Variants in GLIS3 observed in about 807,000 individuals in gnomAD.
GLIS3 encodes GLIS family zinc finger 3.
GLIS3 carries 53 observed loss-of-function variants against 78.6 expected under a neutral mutation model. The ratio of observed to expected loss-of-function variants is 0.67; its 90% CI spans 0.54 to 0.85. The LOEUF is 0.85. Among genes scored for constraint, GLIS3 ranks in the 40% least tolerant of loss-of-function variants. The pLI is 0.00. For synonymous variants in GLIS3, 684 were observed against 509.9 expected (o/e 1.34, Z -4.60); for missense variants, 1,703 against 1,231.1 (o/e 1.38, Z -5.74).
At chr9:4,430,880 C>A in the GLIS3 span, among the ~76,000 whole-genome samples, 3 of 152,164 alleles carry the variant, frequency 2.0e-5, no homozygotes, top group Non-Finnish European at 4.4e-5. Context: ...ATTTCCCCAG[C>A]ATTTCTCATT....
intron 6 of GLIS3, among the ~76,000 whole-genome samples, chr9:3,920,386 G>C (rs978426628): frequency 6.6e-6 from 1 of 152,156 alleles, no homozygotes; most frequent in Admixed American, 6.5e-5. Context: ...GAGTTTGTGA[G>C]TGTTTTTGCT....
At chr9:4,236,388 T>C (rs190708066) in intron 2 of GLIS3, among the ~76,000 whole-genome samples, 66 of 152,290 alleles carry the variant, frequency 4.3e-4, no homozygotes, top group Middle Eastern at 3.4e-3. Context: ...AACAAACAGA[T>C]TGCAATACTT....
chr9:3,919,909 T>C (rs931053918), intron 6 of GLIS3, among the ~76,000 whole-genome samples: 1 of 151,878 alleles, frequency 6.6e-6, no homozygotes, highest in Non-Finnish European at 1.5e-5. Context: ...TATTTGGTGA[T>C]TATTATTGTT....
chr9:4,383,793 C>T, the GLIS3 span, among the ~76,000 whole-genome samples: 5 of 152,140 alleles, frequency 3.3e-5, no homozygotes, highest in Admixed American at 2.6e-4. Flanking sequence ...TGTTGATTGA[C>T]CACAAACTTC....
At chr9:3,832,088 G>C (rs2041755823) in intron 9 of GLIS3, among the ~76,000 whole-genome samples, 1 of 150,760 alleles carries the variant, frequency 6.6e-6, no homozygotes, top group Non-Finnish European at 1.5e-5. Context: ...TAGCTTCTTG[G>C]TGCCTCAGTT....
At chr9:4,409,468 T>C in the GLIS3 span, among the ~76,000 whole-genome samples, 3 of 152,220 alleles carry the variant, frequency 2.0e-5, no homozygotes, top group Non-Finnish European at 2.9e-5. Context: ...ACTAGTATAC[T>C]TATGGCTCAA....
At chr9:3,874,281 C>T (rs773316096) in intron 8 of GLIS3, among the ~76,000 whole-genome samples, 24 of 152,154 alleles carry the variant, frequency 1.6e-4, no homozygotes, top group Non-Finnish European at 3.4e-4. Context: ...CATAAAAATC[C>T]AAAAGGACTG....
chr9:4,341,878 T>C (rs1485812635), intron 2 of GLIS3, among the ~76,000 whole-genome samples: 1 of 152,270 alleles, frequency 6.6e-6, no homozygotes, highest in African/African-American at 2.4e-5. Context: ...TACATGCTTG[T>C]TGACCACGTA....
intron 4 of GLIS3, among the ~76,000 whole-genome samples, chr9:4,002,705 C>A (rs999660401): frequency 3.0e-4 from 46 of 152,202 alleles, no homozygotes; most frequent in African/African-American, 1.1e-3. Context: ...CTCCTAGCAA[C>A]TGGGGATGGC....
chr9:4,264,316 T>G (rs1258501078), intron 2 of GLIS3, among the ~76,000 whole-genome samples: 3 of 152,216 alleles, frequency 2.0e-5, no homozygotes, highest in Admixed American at 1.3e-4. Context: ...ACCACCACCA[T>G]GATGCTAGTC....
At chr9:4,378,464 C>T in the GLIS3 span, among the ~76,000 whole-genome samples, 1 of 151,996 alleles carries the variant, frequency 6.6e-6, no homozygotes, top group Non-Finnish European at 1.5e-5. Flanking sequence ...CTTTTCCTGA[C>T]TCTGGGAAGA....
At chr9:4,116,752 C>G (rs1831669959) in intron 4 of GLIS3, among the ~76,000 whole-genome samples, 1 of 152,174 alleles carries the variant, frequency 6.6e-6, no homozygotes, top group Non-Finnish European at 1.5e-5. Context: ...ATATATTTCA[C>G]ATATTTAGTA....
intron 2 of GLIS3, among the ~76,000 whole-genome samples, chr9:4,335,186 G>A (rs1587391872): frequency 6.6e-6 from 1 of 152,076 alleles, no homozygotes; most frequent in African/African-American, 2.4e-5. Flanking sequence ...GGGATTACAG[G>A]CATGAGCCAC....
the GLIS3 span, among the ~76,000 whole-genome samples, chr9:4,372,523 G>C: frequency 1.4e-5 from 2 of 146,748 alleles, no homozygotes; most frequent in Non-Finnish European, 3.0e-5. Flanking sequence ...CACTTCAGGA[G>C]GCAATACTCC....
rs930269763 is a variant in GLIS3 at position 4,118,410 on chromosome 9, G to A, written c.1068C>T (p.Gly356=). 5.0e-6 allele frequency: 8 copies of A among 1,607,538 alleles called. No individual in the cohort carries two copies. In the African/African-American group the frequency reaches 1.1e-4, roughly 21 times the overall value. Residue 356 remains glycine, a synonymous_variant, in exon 4 of 11, where the codon GGC becomes GGT. Coordinates refer to ENST00000381971, the MANE Select transcript of GLIS3 (RefSeq NM_001042413.2). The surrounding 1 kb of genome is among the most constrained non-coding windows in gnomAD (Gnocchi z 4.7). ...EVYGHFLGVR[G]SCIPQPRPVP... The stretch of plus-strand genomic sequence containing the variant: ...CCGGGCGCGGCTGGGGAATGCAGCT[G>A]CCGCGCACGCCCAGGAAATGCCCGT...
the GLIS3 span, among the ~76,000 whole-genome samples, chr9:4,403,081 C>T: frequency 1.3e-5 from 2 of 152,222 alleles, no homozygotes; most frequent in East Asian, 3.9e-4. Flanking sequence ...AGAGAAAAGA[C>T]ACAAATAACA....
At chr9:3,866,725 G>A (rs985210700) in intron 8 of GLIS3, among the ~76,000 whole-genome samples, 7 of 152,286 alleles carry the variant, frequency 4.6e-5, no homozygotes, top group South Asian at 2.1e-4. Context: ...AGCAGAGGCC[G>A]TACCATACAG....
At chr9:4,014,753 C>G (rs967808633) in intron 4 of GLIS3, among the ~76,000 whole-genome samples, 2 of 152,190 alleles carry the variant, frequency 1.3e-5, no homozygotes, top group African/African-American at 2.4e-5. Flanking sequence ...GAAACTAGTA[C>G]AGAAATCACC....
chr9:4,224,846 T>C (rs1013023756), intron 2 of GLIS3, among the ~76,000 whole-genome samples: 3 of 152,064 alleles, frequency 2.0e-5, no homozygotes. Flanking sequence ...TTTTAGTGAC[T>C]TGCACTTTTC....
Sources: gnomAD v4.1 joint callset for allele counts (sites outside exome capture counted in the v4.1 genomes callset) on GRCh38, gnomAD v4.1.1 for gene constraint, Gnocchi (gnomAD v3.1) non-coding constraint, MANE v1.5 for transcripts, NCBI Gene and HGNC (gene_info 2026-07-23, HGNC 2026-07-21) for gene names.